The following BMPR1B variants were observed in gnomAD, a reference collection of about 807,000 sequenced individuals.
The protein encoded by BMPR1B is bone morphogenetic protein receptor type-1B.
A neutral mutation model predicts 59.1 loss-of-function variants in BMPR1B; 12 were observed. The ratio of observed to expected loss-of-function variants is 0.20; its 90% CI spans 0.13 to 0.33. The LOEUF (loss-of-function observed/expected upper bound fraction) is 0.33, where lower values mean the gene tolerates loss of function less well. Among genes scored for constraint, BMPR1B ranks in the 10% least tolerant of loss-of-function variants. BMPR1B has a pLI of 1.00. For synonymous variants in BMPR1B, 237 were observed against 207.3 expected (o/e 1.14, Z -1.23); for missense variants, 550 against 610.9 (o/e 0.90, Z 1.05).
At chr4:94,953,260 AT>A (rs1730016779) in intron 2 of BMPR1B, among the ~76,000 whole-genome samples, 1 of 152,124 alleles carries the variant, frequency 6.6e-6, no homozygotes, top group African/African-American at 2.4e-5. Context: ...GCCCATTTAC[AT>A]TTAAGGTTAA....
chr4:95,034,769 T>A (rs1560608394), intron 3 of BMPR1B, among the ~76,000 whole-genome samples: 1 of 139,848 alleles, frequency 7.2e-6, no homozygotes, highest in Non-Finnish European at 1.5e-5. Flanking sequence ...ATATAATAAC[T>A]TTTTTTTCCC....
intron 3 of BMPR1B, among the ~76,000 whole-genome samples, chr4:95,028,111 G>C (rs985763042): frequency 6.6e-6 from 1 of 152,134 alleles, no homozygotes. Context: ...TTCACTCTGA[G>C]GGCTCATGCT....
At chr4:95,118,873 G>A (rs544641799) in intron 6 of BMPR1B, among the ~76,000 whole-genome samples, 1 of 152,116 alleles carries the variant, frequency 6.6e-6, no homozygotes, top group Non-Finnish European at 1.5e-5. Context: ...TAGGGTTATG[G>A]GGCAAATAAA....
At position 94,839,585 on chromosome 4, in the gene BMPR1B, C is replaced by T. The variant is rs929143100; in HGVS notation, c.-182-36246C>T. Among the ~76,000 whole-genome samples the T allele has an allele frequency of 2.8e-3, 418 of 149,404 alleles. 13 individuals carry two copies. The East Asian group carries it at 0.068, about 24-fold the overall frequency. On this transcript the variant is annotated intron_variant, in intron 1 of 12. Coordinates refer to ENST00000515059, the MANE Select transcript of BMPR1B (RefSeq NM_001203.3). ...TTATCAGAGACTAGGATTGCAACCC[C>T]TGCCTTTTTTTGTTTTCTATTTGCT... is the stretch of plus-strand genomic sequence containing the variant.
At chr4:94,891,102 T>C (rs938419157) in intron 2 of BMPR1B, among the ~76,000 whole-genome samples, 1 of 152,134 alleles carries the variant, frequency 6.6e-6, no homozygotes, top group East Asian at 1.9e-4. Context: ...GATATTATCT[T>C]TATATTTCTC....
chr4:95,006,491 AC>A (rs1264449309), intron 3 of BMPR1B, among the ~76,000 whole-genome samples: 2 of 151,840 alleles, frequency 1.3e-5, no homozygotes, highest in Non-Finnish European at 2.9e-5. Flanking sequence ...GACAATACTT[AC>A]GATTATGTAG....
At chr4:94,845,343 CTTTT>C (rs33971989) in intron 1 of BMPR1B, among the ~76,000 whole-genome samples, 11 of 142,494 alleles carry the variant, frequency 7.7e-5, no homozygotes, top group Admixed American at 1.4e-4. Flanking sequence ...CAAGGAAATT[CTTTT>C]TTTTTTTTTT....
chr4:94,928,046 TA>T (rs1338566055), intron 2 of BMPR1B, among the ~76,000 whole-genome samples: 1 of 152,072 alleles, frequency 6.6e-6, no homozygotes, highest in East Asian at 1.9e-4. Context: ...TTGTGGAGAG[TA>T]AATGTAGGAA....
At chr4:94,888,708 G>C (rs970608594) in intron 2 of BMPR1B, among the ~76,000 whole-genome samples, 2 of 152,008 alleles carry the variant, frequency 1.3e-5, no homozygotes. Flanking sequence ...ATTTTTGCTT[G>C]CACCCATAAA....
intron 1 of BMPR1B, among the ~76,000 whole-genome samples, chr4:94,770,011 T>C (rs187606414): frequency 1.2e-3 from 184 of 152,276 alleles, no homozygotes; most frequent in Non-Finnish European, 2.1e-3. Flanking sequence ...GCTTTGTCCA[T>C]GCTGTCCATC....
chr4:94,902,046 G>T (rs1727828934), intron 2 of BMPR1B, among the ~76,000 whole-genome samples: 1 of 119,184 alleles, frequency 8.4e-6, no homozygotes. Context: ...CAGACTGCAT[G>T]GTGTGTGTGT....
At chr4:94,913,404 C>G (rs747729036) in intron 2 of BMPR1B, among the ~76,000 whole-genome samples, 12 of 152,250 alleles carry the variant, frequency 7.9e-5, no homozygotes, top group Non-Finnish European at 1.2e-4. Context: ...AAGTCACTTC[C>G]TTTTGTTAAT....
chr4:95,097,093 A>G (rs1055172719), intron 3 of BMPR1B, among the ~76,000 whole-genome samples: 3 of 141,054 alleles, frequency 2.1e-5, no homozygotes, highest in Admixed American at 1.5e-4. Flanking sequence ...ATATATTTAC[A>G]TATAGTTATA....
At chr4:94,864,320 A>G (rs868476206) in intron 1 of BMPR1B, among the ~76,000 whole-genome samples, 1 of 152,154 alleles carries the variant, frequency 6.6e-6, no homozygotes, top group Admixed American at 6.5e-5. Context: ...TAATGGTAGC[A>G]GGAGAGAGAT....
intron 2 of BMPR1B, among the ~76,000 whole-genome samples, chr4:94,992,621 A>G (rs568413940): frequency 3.9e-5 from 6 of 152,096 alleles, no homozygotes; most frequent in Non-Finnish European, 8.8e-5. Flanking sequence ...TAATACTTCT[A>G]CTCCCTCTAG....
At chr4:95,004,525 CT>C (rs200694524) in intron 3 of BMPR1B, among the ~76,000 whole-genome samples, 2,205 of 152,140 alleles carry the variant, frequency 0.014, 23 homozygotes, top group South Asian at 0.023. Flanking sequence ...TATTTTCCTG[CT>C]TTAGTGTAAA....
At chr4:94,938,150 TCTAG>T (rs1248922819) in intron 2 of BMPR1B, among the ~76,000 whole-genome samples, 1 of 152,190 alleles carries the variant, frequency 6.6e-6, no homozygotes, top group Non-Finnish European at 1.5e-5. Context: ...TTCTGAGATC[TCTAG>T]CTAGTCATCT....
At chr4:94,986,781 C>A (rs1333098103) in intron 2 of BMPR1B, among the ~76,000 whole-genome samples, 1 of 151,916 alleles carries the variant, frequency 6.6e-6, no homozygotes, top group Admixed American at 6.6e-5. Flanking sequence ...GTGGCTCACG[C>A]CTGTAACCCC....
chr4:95,081,669 A>G (rs970192083), intron 3 of BMPR1B, among the ~76,000 whole-genome samples: 1 of 152,200 alleles, frequency 6.6e-6, no homozygotes, highest in African/African-American at 2.4e-5. Context: ...AATTTCATTG[A>G]TAGGGTTTTA....
Sources: gnomAD v4.1 joint callset for allele counts (sites outside exome capture counted in the v4.1 genomes callset) on GRCh38, gnomAD v4.1.1 for gene constraint, MANE v1.5 for transcripts, NCBI Gene and HGNC (gene_info 2026-07-23, HGNC 2026-07-21) for gene names.